PKD1L3: variants seen among roughly 807,000 people sequenced by gnomAD.
PKD1L3 encodes the protein polycystin 1 like 3, transient receptor potential channel interacting, also known as polycystin-1-like protein 3.
A neutral mutation model predicts 184.1 loss-of-function variants in PKD1L3; 239 were observed. The observed-to-expected ratio is 1.30, with a 90% confidence interval of 1.17 to 1.45. PKD1L3 has a LOEUF of 1.45. Ranked by LOEUF, PKD1L3 falls within the 40% of genes most tolerant of loss-of-function variation. The probability of loss-of-function intolerance (pLI) is 0.00; values close to 1 mark genes in which losing one functional copy is unlikely to be tolerated. For synonymous variants in PKD1L3, 996 were observed against 778.8 expected, an observed-to-expected ratio of 1.28 and a Z score of -4.64; for missense variants, 2,660 against 2,067.2, an observed-to-expected ratio of 1.29 and a Z score of -5.56.
chr16:71,994,932 G>A (rs895076511), intron 2 of PKD1L3, among the ~76,000 whole-genome samples: 2 of 152,080 alleles, frequency 1.3e-5, no homozygotes, highest in African/African-American at 4.8e-5. Context: ...AGGTTGCAGT[G>A]AGCCAAGATC....
At chr16:71,976,651 G>A (rs1041906236) in intron 11 of PKD1L3, among the ~76,000 whole-genome samples, 2 of 152,170 alleles carry the variant, frequency 1.3e-5, no homozygotes, top group African/African-American at 4.8e-5. Context: ...ACATGAAGTA[G>A]CTCATGTCTG....
At chr16:71,952,762 G>A (rs1489908534) in intron 18 of PKD1L3, 132 bp downstream of exon 18, 1 of 910,548 alleles carries the variant, frequency 1.1e-6, no homozygotes, top group Non-Finnish European at 1.6e-6. Flanking sequence ...CTTGAGCCGG[G>A]AGTTTGAGGC....
intron 15 of PKD1L3, among the ~76,000 whole-genome samples, chr16:71,964,194 C>T (rs1422740530): frequency 6.6e-6 from 1 of 151,940 alleles, no homozygotes; most frequent in Non-Finnish European, 1.5e-5. Flanking sequence ...ATTATTCAAC[C>T]TGTTTGATTT....
intron 15 of PKD1L3, 95 bp from the exon 16 acceptor site, chr16:71,963,446 G>T: frequency 7.9e-7 from 1 of 1,262,742 alleles, no homozygotes; most frequent in Non-Finnish European, 1.1e-6. Context: ...AACTGTCCAA[G>T]TAAATGAACT....
chr16:71,994,865 A>G (rs946506314), intron 2 of PKD1L3, among the ~76,000 whole-genome samples: 15 of 151,828 alleles, frequency 9.9e-5, no homozygotes, highest in Admixed American at 2.6e-4. Context: ...CCGAGTGCCT[A>G]TAATCCCAGC....
intron 22 of PKD1L3, among the ~76,000 whole-genome samples, chr16:71,946,604 G>C (rs765934832): frequency 6.6e-6 from 1 of 151,582 alleles, no homozygotes; most frequent in Non-Finnish European, 1.5e-5. Context: ...CTCCAGCATG[G>C]TGACTAAATG....
rs1567562744 is a variant in PKD1L3, at chr16:72,000,304, T to G, written c.-326A>C. 6.6e-6 allele frequency among the ~76,000 whole-genome samples: 1 copy of G among 152,084 alleles called. No individual in the cohort carries two copies. The highest frequency in any genetic ancestry group is 1.5e-5 in the Non-Finnish European group (1 of 68,022). On this transcript the variant is annotated 5_prime_UTR_variant, in exon 1 of 30. It removes an upstream start codon present in the reference 5' UTR. Transcript: ENST00000620267. ...GGTAGAGGATGATGAATATCTAACA[T>G]CTAAGTTAGTGCTGCTAAAAATTAA...
At chr16:71,998,473 G>A in intron 1 of PKD1L3, 79 bp from the exon 2 acceptor site, 1 of 1,486,522 alleles carries the variant, frequency 6.7e-7, no homozygotes. Context: ...TTGTTTTTGA[G>A]ACAGTCCCAC....
Position 71,949,772 on chromosome 16 carries a change from C to T in PKD1L3, c.3618+11G>A, listed in dbSNP as rs1031971906. 6.5e-7 allele frequency: 1 copy of T among 1,545,552 alleles called. No homozygotes were observed. The highest frequency in any genetic ancestry group is 1.4e-5 in the African/African-American group (1 of 72,848). On this transcript the variant is annotated intron_variant, in intron 21 of 29. Transcript: ENST00000620267. ...CTGCAACTCCAATGGTTCTTCCCAT[C>T]CCTCACATACCTTTACTGGCTGGCT...
intron 9 of PKD1L3, 109 bp downstream of exon 9, chr16:71,979,677 C>T (rs996893844): frequency 7.8e-7 from 1 of 1,288,416 alleles, no homozygotes; most frequent in East Asian, 2.8e-5. Context: ...ACTCTCTCAT[C>T]TGATCTGGTC....
chr16:71,978,401 C>G lies in PKD1L3; in HGVS notation c.1399-18G>C. The G allele has an allele frequency of 6.5e-7, 1 of 1,541,456 alleles. No homozygotes were observed. Among genetic ancestry groups the G allele is most frequent in the Non-Finnish European group, 8.8e-7 (1 of 1,140,724 alleles). ...CCTGTTATCTAAAGACAAAGAGAAG[C>G]CCAGTTTTATCCATTGCTGAAATAT... On this transcript the variant is annotated intron_variant, in intron 9 of 29. Coordinates refer to ENST00000620267, the MANE Select transcript of PKD1L3 (RefSeq NM_181536.2).
chr16:71,989,429 G>A (rs921392811), intron 4 of PKD1L3, among the ~76,000 whole-genome samples: 5 of 152,258 alleles, frequency 3.3e-5, no homozygotes, highest in South Asian at 2.1e-4. Flanking sequence ...CTGGGATTAC[G>A]GGCGTGAGCC....
At chr16:71,978,476 T>TAC (rs1491462039) in intron 9 of PKD1L3, 93 bp from the exon 10 acceptor site, 2 of 70,810 alleles carry the variant, frequency 2.8e-5, no homozygotes, top group Non-Finnish European at 4.8e-5. Context: ...TATGTATATA[T>TAC]GTGTGTGTGT....
chr16:71,950,011 G>A lies in PKD1L3; in HGVS notation c.3390C>T (p.Val1130=), dbSNP rs1291709234. Residue 1130 remains valine (V), a synonymous_variant, in exon 21 of 30, where the codon GTC becomes GTT. Transcript: ENST00000620267. Reference sequence around the variant, plus strand: ...CTGAGCTCAGGATGGCAAAACTGGTGACTTCCCTGAAGCACAAAAGTTGAG... The same window carrying A: ...CTGAGCTCAGGATGGCAAAACTGGTAACTTCCCTGAAGCACAAAAGTTGAG... ...LPTEQEPSRE[V]TSFAILSSEE... is the part of the protein sequence containing the mutation. The A allele has an allele frequency of 6.4e-7, 1 of 1,551,368 alleles. No homozygotes were observed. Among genetic ancestry groups the A allele is most frequent in the East Asian group, 2.4e-5 (1 of 40,928 alleles).
At chr16:71,992,398 G>C (rs2040622760) in intron 3 of PKD1L3, among the ~76,000 whole-genome samples, 1 of 152,188 alleles carries the variant, frequency 6.6e-6, no homozygotes, top group African/African-American at 2.4e-5. Context: ...AAAGCCACAT[G>C]TTACGTAAGG....
intron 7 of PKD1L3, among the ~76,000 whole-genome samples, chr16:71,980,748 T>G (rs1210880716): frequency 6.6e-6 from 1 of 152,096 alleles, no homozygotes; most frequent in East Asian, 1.9e-4. Context: ...GGTGGAAGAA[T>G]TGCTTAAACC....
intron 22 of PKD1L3, among the ~76,000 whole-genome samples, chr16:71,947,025 G>T: frequency 6.6e-6 from 1 of 151,780 alleles, no homozygotes; most frequent in South Asian, 2.1e-4. Flanking sequence ...GGAGGCCGAG[G>T]AGAGTGGATC....
chr16:71,937,241 G>A, intron 25 of PKD1L3, 51 bp downstream of exon 25: 3 of 1,522,762 alleles, frequency 2.0e-6, no homozygotes, highest in Non-Finnish European at 8.9e-7. Context: ...GTCTGGTAAA[G>A]ATGAGGTTTT....
At chr16:71,954,522 A>G (rs1249857378) in intron 16 of PKD1L3, among the ~76,000 whole-genome samples, 1 of 152,178 alleles carries the variant, frequency 6.6e-6, no homozygotes, top group African/African-American at 2.4e-5. Flanking sequence ...GTTTTAGGAT[A>G]AAAGGTTGTT....
Sources: gnomAD v4.1 joint callset for allele counts (sites outside exome capture counted in the v4.1 genomes callset) on GRCh38, gnomAD v4.1.1 for gene constraint, MANE v1.5 for transcripts, NCBI Gene and HGNC (gene_info 2026-07-23, HGNC 2026-07-21) for gene names.